Variants in LPAR3 observed in about 807,000 individuals in gnomAD.
LPAR3 encodes LPA receptor 3.
Under a neutral mutation model 17.8 loss-of-function variants are expected in LPAR3, and 7 were observed. The ratio of observed to expected loss-of-function variants is 0.39; its 90% CI spans 0.22 to 0.74. The LOEUF is 0.74. LPAR3 is among the 30% of genes least tolerant of loss of function. LPAR3 has a pLI of 0.40. For synonymous variants in LPAR3, 179 were observed against 179.9 expected, an observed-to-expected ratio of 0.99 and a Z score of 0.04; for missense variants, 391 against 453.4, an observed-to-expected ratio of 0.86 and a Z score of 1.25.
intron 2 of LPAR3, among the ~76,000 whole-genome samples, chr1:84,826,284 AT>A (rs1659155885): frequency 6.6e-6 from 1 of 151,940 alleles, no homozygotes; most frequent in Admixed American, 6.6e-5. Flanking sequence ...AGTATTTGTC[AT>A]TTTTGATGAA....
intron 2 of LPAR3, among the ~76,000 whole-genome samples, chr1:84,828,124 C>CT (rs773963018): frequency 2.6e-5 from 4 of 151,846 alleles, no homozygotes; most frequent in Admixed American, 1.3e-4. Context: ...CTCTCTCTCT[C>CT]TTTTTTTTCT....
At chr1:84,860,734 A>ATTTTTTTTTTTTTTTTTTTTTTTTTTTT (rs35354113) in intron 2 of LPAR3, among the ~76,000 whole-genome samples, 1 of 113,548 alleles carries the variant, frequency 8.8e-6, no homozygotes, top group Non-Finnish European at 1.8e-5. Context: ...TTAGGATTTA[A>ATTTTTTTTTTTTTTTTTTTTTTTTTTTT]TTTTTTTTTT....
At chr1:84,878,814 A>G (rs1660304865) in intron 1 of LPAR3, among the ~76,000 whole-genome samples, 1 of 152,180 alleles carries the variant, frequency 6.6e-6, no homozygotes, top group Non-Finnish European at 1.5e-5. Flanking sequence ...GCCTCCGTCC[A>G]AACTACACTG....
At chr1:84,888,631 G>C (rs1402164038) in intron 1 of LPAR3, among the ~76,000 whole-genome samples, 2 of 152,162 alleles carry the variant, frequency 1.3e-5, no homozygotes, top group African/African-American at 4.8e-5. Flanking sequence ...GGAGACCAGG[G>C]GCTTGCCTTA....
rs534687833 is a variant in LPAR3 at position 84,819,929 on chromosome 1, C to T, written c.737-5758G>A. Among the ~76,000 whole-genome samples the T allele has an allele frequency of 6.6e-5, 10 of 152,308 alleles. No individual in the cohort carries two copies. The South Asian group carries it at 2.1e-3, about 32-fold the overall frequency. On this transcript the variant is annotated intron_variant, in intron 2 of 2. Transcript: ENST00000370611. ...CTCCTGTAGCACTTTCTACCTATAGCATTCACGTGGCACTGGGCACATTAC... is the reference window on the plus strand; with the variant it reads ...CTCCTGTAGCACTTTCTACCTATAGTATTCACGTGGCACTGGGCACATTAC...
At chr1:84,847,545 C>T (rs531990037) in intron 2 of LPAR3, among the ~76,000 whole-genome samples, 93 of 152,334 alleles carry the variant, frequency 6.1e-4, no homozygotes, top group African/African-American at 1.3e-3. Context: ...TCAACAAGCC[C>T]AGGAAGCAAG....
intron 2 of LPAR3, among the ~76,000 whole-genome samples, chr1:84,846,872 T>C (rs1570879133): frequency 6.6e-6 from 1 of 152,288 alleles, no homozygotes; most frequent in East Asian, 1.9e-4. Context: ...AGAAGAAATG[T>C]ATTTTTTAAA....
chr1:84,856,528 C>G (rs563388698), intron 2 of LPAR3, among the ~76,000 whole-genome samples: 1 of 152,116 alleles, frequency 6.6e-6, no homozygotes, highest in African/African-American at 2.4e-5. Flanking sequence ...GAATTCCTCA[C>G]GAACTTAGGC....
At chr1:84,859,636 C>T (rs894652292) in intron 2 of LPAR3, among the ~76,000 whole-genome samples, 1 of 152,174 alleles carries the variant, frequency 6.6e-6, no homozygotes, top group Admixed American at 6.5e-5. Flanking sequence ...CACACTCTGA[C>T]ATTTTCTCTT....
chr1:84,875,295 C>T (rs1414004777), intron 1 of LPAR3, among the ~76,000 whole-genome samples: 3 of 152,200 alleles, frequency 2.0e-5, no homozygotes, highest in Non-Finnish European at 2.9e-5. Context: ...TATTTTGAGA[C>T]ATTTCAAAGT....
intron 2 of LPAR3, among the ~76,000 whole-genome samples, chr1:84,843,942 A>C (rs1659552732): frequency 1.3e-5 from 2 of 152,102 alleles, no homozygotes; most frequent in Admixed American, 1.3e-4. Context: ...ACCCAGTCTA[A>C]AGCAGCCTCC....
chr1:84,856,480 C>G (rs1344105295), intron 2 of LPAR3, among the ~76,000 whole-genome samples: 1 of 152,168 alleles, frequency 6.6e-6, no homozygotes, highest in East Asian at 1.9e-4. Context: ...GTTGCAGAAG[C>G]AACTACAAGG....
At chr1:84,829,339 G>A (rs1659237494) in intron 2 of LPAR3, among the ~76,000 whole-genome samples, 1 of 151,822 alleles carries the variant, frequency 6.6e-6, no homozygotes, top group Non-Finnish European at 1.5e-5. Flanking sequence ...CTGATTCCAT[G>A]AGTCTGGAAT....
rs1658819357 is a variant in LPAR3, at chr1:84,811,844, T to A, written c.*2002A>T. ...TGCAAACTACATAAATACTATAATA[T>A]CTACCTTGAAGTTATTCTCATTTTA... On this transcript the variant is annotated 3_prime_UTR_variant, in exon 3 of 3. Transcript: ENST00000370611. 6.6e-6 allele frequency: 1 copy of A among 152,148 alleles called. No individual in the cohort carries two copies. 9.4% of individuals were successfully genotyped at this position (152,148 alleles called of 1,614,324 possible). A position where few individuals can be genotyped will look rare whatever the true frequency, so the allele number is the denominator to read the frequency against.
chr1:84,892,214 AAAATAAATAAATAAATAAAT>A (rs71097866), intron 1 of LPAR3, among the ~76,000 whole-genome samples: 7 of 135,600 alleles, frequency 5.2e-5, no homozygotes, highest in South Asian at 2.4e-4. Context: ...CTGTGTCTCA[AAAATAAATAAATAAATAAAT>A]AAATAAATAA....
chr1:84,849,372 C>CAAAA lies in LPAR3; in HGVS notation c.736+16009_736+16012dup, dbSNP rs34239236. ...CCTGGTGACAGAGTGAGACTCATCT[C>CAAAA]AAAAAAAAAAAAAAAAAAAAAGAAA... On this transcript the variant is annotated intron_variant, in intron 2 of 2. Transcript: ENST00000370611. 3.4e-4 allele frequency among the ~76,000 whole-genome samples: 26 copies of CAAAA among 77,048 alleles called. 2 individuals are homozygous for CAAAA. Among genetic ancestry groups the CAAAA allele is most frequent in the South Asian group, 6.2e-4 (1 of 1,614 alleles). 50.5% of individuals were successfully genotyped at this position (77,048 alleles called of 152,430 possible). A position where few individuals can be genotyped will look rare whatever the true frequency, so the allele number is the denominator to read the frequency against.
At position 84,866,059 on chromosome 1, in the gene LPAR3, G is replaced by T. The variant is rs1486618207; in HGVS notation, c.62C>A (p.Thr21Asn). 6.2e-7 allele frequency: 1 copy of T among 1,613,378 alleles called. No homozygotes were observed. Among genetic ancestry groups the T allele is most frequent in the Admixed American group, 1.7e-5 (1 of 59,862 alleles). The change falls in exon 2 of 3, where the codon ACT (threonine) becomes AAT (asparagine). Residue 21 changes from threonine to asparagine, a missense_variant. Coordinates refer to ENST00000370611, the MANE Select transcript of LPAR3 (RefSeq NM_012152.3). Reference sequence around the variant, plus strand: ...CTTTGTTCCTGTCCAGTCATCGACAGTATCAGTGTTGCTCCTATTATAAAA... The same window carrying T: ...CTTTGTTCCTGTCCAGTCATCGACATTATCAGTGTTGCTCCTATTATAAAA... ...DFFYNRSNTDTVDDWTGTKLV... is the reference protein window; with the variant it reads ...DFFYNRSNTDNVDDWTGTKLV...
chr1:84,833,732 C>T (rs1365369902), intron 2 of LPAR3, among the ~76,000 whole-genome samples: 2 of 152,102 alleles, frequency 1.3e-5, no homozygotes, highest in East Asian at 1.9e-4. Context: ...ATCTGTCACA[C>T]GGGGATAATA....
intron 1 of LPAR3, among the ~76,000 whole-genome samples, chr1:84,891,183 G>A (rs1425395639): frequency 6.7e-6 from 1 of 150,098 alleles, no homozygotes; most frequent in Non-Finnish European, 1.5e-5. Flanking sequence ...AGTGGTAGTT[G>A]ATAAATGCAA....
Sources: gnomAD v4.1 joint callset for allele counts (sites outside exome capture counted in the v4.1 genomes callset) on GRCh38, gnomAD v4.1.1 for gene constraint, MANE v1.5 for transcripts, NCBI Gene and HGNC (gene_info 2026-07-23, HGNC 2026-07-21) for gene names.